Variants in CNTNAP2 observed in about 807,000 individuals in gnomAD.
CNTNAP2 encodes the protein contactin-associated protein-like 2.
In CNTNAP2, 98 loss-of-function variants were observed where a neutral mutation model predicts 155.2. The ratio of observed to expected loss-of-function variants is 0.63; its 90% CI spans 0.54 to 0.75. CNTNAP2 has a LOEUF of 0.75. CNTNAP2 is among the 30% of genes least tolerant of loss of function. The pLI, the probability that CNTNAP2 is intolerant of heterozygous loss-of-function variation, is 0.00. For missense variants in CNTNAP2, 1,727 were observed against 1,688.1 expected (o/e 1.02, Z -0.40); for synonymous variants, 651 against 631.2 (o/e 1.03, Z -0.47).
intron 3 of CNTNAP2, among the ~76,000 whole-genome samples, chr7:147,040,451 ATTTTTT>A (rs34880534): frequency 4.9e-5 from 4 of 80,830 alleles, no homozygotes; most frequent in African/African-American, 1.7e-4. Context: ...TTAAGAGTGA[ATTTTTT>A]TTTTTTTTTT....
At position 147,300,018 on chromosome 7, in the gene CNTNAP2, G is replaced by T; in HGVS notation, c.1349-123G>T. On this transcript the variant is annotated intron_variant, in intron 8 of 23. Transcript: ENST00000361727. ...CATGAGACGTCAGTTTGAATTGTAA[G>T]CAGCACTGTATTTTCCAAGAGAAAA... 7.9e-6 allele frequency: 8 copies of T among 1,015,914 alleles called. No homozygotes were observed. In the South Asian group the frequency reaches 8.8e-5, roughly 11 times the overall value. 62.9% of individuals were successfully genotyped at this position (1,015,914 alleles called of 1,614,324 possible).
chr7:147,107,132 T>C (rs1461159935), intron 4 of CNTNAP2, among the ~76,000 whole-genome samples: 5 of 152,168 alleles, frequency 3.3e-5, no homozygotes, highest in Admixed American at 6.6e-5. Context: ...TGAAAAGATT[T>C]TTAACAGTGA....
At chr7:146,449,090 C>G (rs543710222) in intron 1 of CNTNAP2, among the ~76,000 whole-genome samples, 6 of 152,216 alleles carry the variant, frequency 3.9e-5, no homozygotes, top group Admixed American at 3.9e-4. Context: ...ATTCTTTCCT[C>G]TGCCCTATAC....
At chr7:146,882,354 C>G (rs1014795324) in intron 3 of CNTNAP2, among the ~76,000 whole-genome samples, 3 of 151,978 alleles carry the variant, frequency 2.0e-5, no homozygotes, top group African/African-American at 7.2e-5. Flanking sequence ...GTGTCCCCAC[C>G]TAAAATCTCA....
chr7:146,644,346 G>T (rs1306744104), intron 1 of CNTNAP2, among the ~76,000 whole-genome samples: 9 of 152,156 alleles, frequency 5.9e-5, no homozygotes, highest in South Asian at 2.1e-4. Context: ...CCTAATTTAT[G>T]GAGAGTTTTT....
intron 4 of CNTNAP2, among the ~76,000 whole-genome samples, chr7:147,084,539 A>G (rs1283489041): frequency 1.4e-5 from 2 of 144,722 alleles, no homozygotes; most frequent in Non-Finnish European, 3.0e-5. Flanking sequence ...TACTATATAT[A>G]ATATATAATA....
At chr7:147,907,031 AG>A (rs1480023418) in intron 14 of CNTNAP2, among the ~76,000 whole-genome samples, 1 of 152,090 alleles carries the variant, frequency 6.6e-6, no homozygotes, top group East Asian at 1.9e-4. Context: ...AAGGCACTAT[AG>A]CTTGAGCAAA....
chr7:146,371,365 G>GTTTTTTTTTTTTT (rs58066282), intron 1 of CNTNAP2, among the ~76,000 whole-genome samples: 1 of 98,538 alleles, frequency 1.0e-5, no homozygotes, highest in African/African-American at 4.5e-5. Context: ...GCCAGTATTA[G>GTTTTTTTTTTTTT]TTTTTTTTTT....
intron 15 of CNTNAP2, among the ~76,000 whole-genome samples, chr7:148,018,841 G>A (rs899290455): frequency 6.6e-6 from 1 of 152,168 alleles, no homozygotes; most frequent in African/African-American, 2.4e-5. Flanking sequence ...TTTTTTGTTT[G>A]TTAAGTTCAT....
intron 13 of CNTNAP2, among the ~76,000 whole-genome samples, chr7:147,674,588 G>A (rs1795839022): frequency 6.6e-6 from 1 of 152,110 alleles, no homozygotes; most frequent in African/African-American, 2.4e-5. Context: ...GAGGCTTGGA[G>A]ATATTAGAAA....
At chr7:146,216,040 A>C (rs2116889551) in intron 1 of CNTNAP2, among the ~76,000 whole-genome samples, 1 of 152,340 alleles carries the variant, frequency 6.6e-6, no homozygotes, top group South Asian at 2.1e-4. Context: ...GGTGCCTCTA[A>C]GCTAGCTGCC....
At chr7:147,864,701 G>A (rs1274523994) in intron 13 of CNTNAP2, among the ~76,000 whole-genome samples, 2 of 152,116 alleles carry the variant, frequency 1.3e-5, no homozygotes, top group Admixed American at 1.3e-4. Flanking sequence ...TTGTGAATGG[G>A]AGTTCACTCA....
intron 1 of CNTNAP2, among the ~76,000 whole-genome samples, chr7:146,570,779 T>G (rs1377426043): frequency 6.6e-6 from 1 of 151,998 alleles, no homozygotes; most frequent in Non-Finnish European, 1.5e-5. Flanking sequence ...AAATGTAATT[T>G]CCTATCAGCA....
chr7:147,477,099 G>A lies in CNTNAP2; in HGVS notation c.1671-8836G>A, dbSNP rs189471137. ...ATATTTCTTGTATCTTTTTGTTATC[G>A]TCATCTTTTTTCCTCCAGTAAAAGA... On this transcript the variant is annotated intron_variant, in intron 10 of 23. Coordinates refer to ENST00000361727, the MANE Select transcript of CNTNAP2 (RefSeq NM_014141.6). 3.5e-3 allele frequency among the ~76,000 whole-genome samples: 539 copies of A among 152,006 alleles called. 1 individual carries two copies. The highest frequency in any genetic ancestry group is 5.6e-3 in the Non-Finnish European group (381 of 67,984).
At chr7:147,172,991 A>G (rs1278622857) in intron 8 of CNTNAP2, among the ~76,000 whole-genome samples, 1 of 152,174 alleles carries the variant, frequency 6.6e-6, no homozygotes, top group Non-Finnish European at 1.5e-5. Flanking sequence ...ATACATATTG[A>G]TTGTCAGCAT....
chr7:146,966,633 C>G (rs184311815), intron 3 of CNTNAP2, among the ~76,000 whole-genome samples: 104 of 152,334 alleles, frequency 6.8e-4, no homozygotes, highest in Non-Finnish European at 1.1e-3. Context: ...TCCTGTGTTA[C>G]ACAGTATGAG....
rs111710147 is a variant in CNTNAP2, at chr7:148,322,392, G to A, written c.3475+55266G>A. Among the ~76,000 whole-genome samples, 12 of 152,116 alleles carry A rather than the reference G, an allele frequency of 7.9e-5. No homozygotes were observed. The South Asian group carries it at 1.7e-3, about 21-fold the overall frequency. On this transcript the variant is annotated intron_variant, in intron 21 of 23. Coordinates refer to ENST00000361727, the MANE Select transcript of CNTNAP2 (RefSeq NM_014141.6). The stretch of plus-strand genomic sequence containing the variant: ...AACAAGTGTAATAAGAAATATTCCC[G>A]CTAGAGCATGGCAGCCATAAGCTAC...
At chr7:147,461,707 T>G (rs1798028831) in intron 10 of CNTNAP2, among the ~76,000 whole-genome samples, 1 of 152,204 alleles carries the variant, frequency 6.6e-6, no homozygotes, top group Admixed American at 6.5e-5. Flanking sequence ...TTTGTTTGTT[T>G]CTAGTGAACT....
At chr7:147,997,156 C>T (rs1801817168) in intron 15 of CNTNAP2, among the ~76,000 whole-genome samples, 1 of 152,204 alleles carries the variant, frequency 6.6e-6, no homozygotes, top group South Asian at 2.1e-4. Flanking sequence ...TTTTCATAAG[C>T]TACCCAGTTT....
Sources: gnomAD v4.1 joint callset for allele counts (sites outside exome capture counted in the v4.1 genomes callset) on GRCh38, gnomAD v4.1.1 for gene constraint, MANE v1.5 for transcripts, NCBI Gene and HGNC (gene_info 2026-07-23, HGNC 2026-07-21) for gene names.